DDR2: variants seen among roughly 807,000 people sequenced by gnomAD.
DDR2 encodes the protein discoidin domain-containing receptor 2.
In DDR2, 27 loss-of-function variants were observed where a neutral mutation model predicts 94.9. The observed-to-expected ratio is 0.28, with a 90% confidence interval of 0.21 to 0.39. DDR2 has a LOEUF of 0.39. DDR2 is among the 10% of genes least tolerant of loss of function. The pLI is 1.00. For missense variants in DDR2, 783 were observed against 1,076.0 expected (o/e 0.73, Z 3.81); for synonymous variants, 382 against 377.2 (o/e 1.01, Z -0.15).
chr1:162,636,693 C>T (rs1443933929), intron 1 of DDR2, among the ~76,000 whole-genome samples: 1 of 152,082 alleles, frequency 6.6e-6, no homozygotes, highest in African/African-American at 2.4e-5. Flanking sequence ...TTTTTATCCC[C>T]TTCATTTGAG....
At chr1:162,718,664 G>T (rs1661278470) in intron 2 of DDR2, among the ~76,000 whole-genome samples, 1 of 152,090 alleles carries the variant, frequency 6.6e-6, no homozygotes, top group African/African-American at 2.4e-5. Flanking sequence ...GCTTCTCTTG[G>T]TTGAATATTG....
In DDR2 at chr1:162,755,754, G is replaced by C; in HGVS notation, c.656G>C (p.Gly219Ala). 1 of 1,614,126 alleles carries C rather than the reference G, an allele frequency of 6.2e-7. No individual in the cohort carries two copies. The highest frequency in any genetic ancestry group is 8.5e-7 in the Non-Finnish European group (1 of 1,179,976). ...TATCTGAATGATTCTGTCTATGATG[G>C]AGCTGTTGGATACAGGTAAATCCTG... ...IIYLNDSVYD[G>A]AVGYSMTEGL... The change falls in exon 7 of 18, where the codon GGA becomes GCA. Residue 219 changes from glycine (G) to alanine (A), a missense_variant. Transcript: ENST00000367921.
In DDR2 at chr1:162,660,256, C is replaced by T. The variant is rs75068199; in HGVS notation, c.-28+4882C>T. On this transcript the variant is annotated intron_variant, in intron 2 of 17. Coordinates refer to ENST00000367921, the MANE Select transcript of DDR2 (RefSeq NM_006182.4). ...GATCCCCTCTAGGTAAGGTCTGAGT[C>T]TCTGTCAAACATTTTCGCTTTTGTG... 1.9e-3 allele frequency among the ~76,000 whole-genome samples: 285 copies of T among 152,280 alleles called. 4 individuals are homozygous for T. The East Asian group carries it at 0.042, about 23-fold the overall frequency.
chr1:162,763,782 G>A (rs1289644953), intron 9 of DDR2, among the ~76,000 whole-genome samples: 1 of 152,052 alleles, frequency 6.6e-6, no homozygotes, highest in Non-Finnish European at 1.5e-5. Flanking sequence ...TATTTAAAAA[G>A]AAAGATTGTG....
At chr1:162,742,660 A>G (rs1019034004) in intron 3 of DDR2, among the ~76,000 whole-genome samples, 1 of 151,382 alleles carries the variant, frequency 6.6e-6, no homozygotes, top group Admixed American at 6.6e-5. Flanking sequence ...TCAGTATGAG[A>G]TTTGGGTGGG....
chr1:162,778,066 T>C (rs1647683679), intron 16 of DDR2: 1 of 174,936 alleles, frequency 5.7e-6, no homozygotes, highest in South Asian at 1.3e-4. Context: ...CACAGTGTGG[T>C]TGTCTGTATT....
chr1:162,714,433 A>C (rs1661060199), intron 2 of DDR2, among the ~76,000 whole-genome samples: 1 of 152,120 alleles, frequency 6.6e-6, no homozygotes, highest in Non-Finnish European at 1.5e-5. Context: ...CATTTTTGTG[A>C]GGTGTAGATA....
intron 2 of DDR2, among the ~76,000 whole-genome samples, chr1:162,706,460 T>C (rs1372636366): frequency 6.6e-6 from 1 of 152,208 alleles, no homozygotes; most frequent in Non-Finnish European, 1.5e-5. Flanking sequence ...AAGGAAAGCA[T>C]ACATTTACCT....
intron 17 of DDR2, 71 bp downstream of exon 17, chr1:162,778,800 T>C (rs1264094170): frequency 2.5e-6 from 4 of 1,595,742 alleles, no homozygotes; most frequent in Non-Finnish European, 3.4e-6. Flanking sequence ...AAGTCCTGCC[T>C]TAGCAGGAGT....
At chr1:162,746,641 T>C (rs183210894) in intron 3 of DDR2, among the ~76,000 whole-genome samples, 3 of 152,270 alleles carry the variant, frequency 2.0e-5, no homozygotes, top group Admixed American at 6.5e-5. Flanking sequence ...AGCATGGAGT[T>C]TGAGATCTGA....
In DDR2 at chr1:162,755,136, A is replaced by T. The variant is rs2102136369; in HGVS notation, c.418-20A>T. The T allele has an allele frequency of 6.2e-7, 1 of 1,614,050 alleles. No individual in the cohort carries two copies. The highest frequency in any genetic ancestry group is 8.5e-7 in the Non-Finnish European group (1 of 1,179,986). ...ATGATTTAATACCACCTCTTCACTC[A>T]TTCTCTTCTCTCTCCTCAGGTGCTG... On this transcript the variant is annotated intron_variant, in intron 5 of 17. Transcript: ENST00000367921.
At chr1:162,635,473 A>T (rs554106540) in intron 1 of DDR2, among the ~76,000 whole-genome samples, 60 of 152,280 alleles carry the variant, frequency 3.9e-4, no homozygotes, top group African/African-American at 1.4e-3. Context: ...AAGCAAACAC[A>T]CGTCTAAAAG....
chr1:162,717,299 G>T (rs925642408), intron 2 of DDR2, among the ~76,000 whole-genome samples: 4 of 152,152 alleles, frequency 2.6e-5, no homozygotes, highest in Non-Finnish European at 4.4e-5. Flanking sequence ...GCCTTCCAAA[G>T]TTCTGGGATT....
At chr1:162,644,395 A>G (rs1657304582) in intron 1 of DDR2, among the ~76,000 whole-genome samples, 1 of 152,176 alleles carries the variant, frequency 6.6e-6, no homozygotes, top group African/African-American at 2.4e-5. Context: ...GGGAAGTACT[A>G]CGATGCTATT....
chr1:162,729,282 A>T (rs867483925), intron 3 of DDR2, among the ~76,000 whole-genome samples: 4 of 34,666 alleles, frequency 1.2e-4, no homozygotes, highest in East Asian at 4.8e-4. Context: ...ATATCCATTT[A>T]TATATATATA....
chr1:162,677,464 G>A (rs1558021166), intron 2 of DDR2, among the ~76,000 whole-genome samples: 1 of 152,162 alleles, frequency 6.6e-6, no homozygotes, highest in Non-Finnish European at 1.5e-5. Context: ...GGATAAATCA[G>A]TTGATCTTCT....
In DDR2 at chr1:162,712,622, CCATGA is replaced by C. The variant is rs563782760; in HGVS notation, c.-27-6413_-27-6409del. Among the ~76,000 whole-genome samples, 20 of 152,186 alleles carry C rather than the reference CCATGA, an allele frequency of 1.3e-4. No homozygotes were observed. In the South Asian group the frequency reaches 4.2e-3, roughly 32 times the overall value. On this transcript the variant is annotated intron_variant, in intron 2 of 17. Transcript: ENST00000367921. ...TTTGTCAGATCTGGGAAGTCCTGAGCCATGACTTCCTTTGAAATCAATTTGGAATG... is the reference window on the plus strand; with the variant it reads ...TTTGTCAGATCTGGGAAGTCCTGAGCCTTCCTTTGAAATCAATTTGGAATG...
At position 162,754,923 on chromosome 1, in the gene DDR2, G is replaced by A. The variant is rs1663384908; in HGVS notation, c.417+68G>A. The A allele has an allele frequency of 3.2e-6, 5 of 1,585,236 alleles. No individual in the cohort carries two copies. In the Admixed American group the frequency reaches 8.5e-5, roughly 27 times the overall value. ...ATTTTGACTTAGGCTAGGAGAAGAA[G>A]GGTACAGGTTTTCTGTGTGGATATG... On this transcript the variant is annotated intron_variant, in intron 5 of 17. Coordinates refer to ENST00000367921, the MANE Select transcript of DDR2 (RefSeq NM_006182.4).
chr1:162,755,363 G>A, intron 6 of DDR2, 60 bp downstream of exon 6: 1 of 1,600,440 alleles, frequency 6.2e-7, no homozygotes, highest in Non-Finnish European at 8.5e-7. Flanking sequence ...TCTGGGAAAT[G>A]AAGGCAATCA....
Sources: gnomAD v4.1 joint callset for allele counts (sites outside exome capture counted in the v4.1 genomes callset) on GRCh38, gnomAD v4.1.1 for gene constraint, MANE v1.5 for transcripts, NCBI Gene and HGNC (gene_info 2026-07-23, HGNC 2026-07-21) for gene names.